The following SH3RF1 variants were observed in gnomAD, a reference collection of about 807,000 sequenced individuals.
SH3RF1 encodes the protein SH3 domain containing ring finger 1, also known as E3 ubiquitin-protein ligase SH3RF1.
A neutral mutation model predicts 74.0 loss-of-function variants in SH3RF1; 32 were observed. The ratio of observed to expected loss-of-function variants is 0.43; its 90% CI spans 0.33 to 0.58. The LOEUF (loss-of-function observed/expected upper bound fraction) is 0.58. Ranked by LOEUF, SH3RF1 falls within the 20% of genes least tolerant of loss-of-function variation. The pLI is 0.05. For missense variants in SH3RF1, 954 were observed against 1,130.9 expected (o/e 0.84, Z 2.24); for synonymous variants, 396 against 439.6 (o/e 0.90, Z 1.24).
At chr4:169,220,679 T>G (rs1302362878) in intron 2 of SH3RF1, among the ~76,000 whole-genome samples, 1 of 152,206 alleles carries the variant, frequency 6.6e-6, no homozygotes, top group East Asian at 1.9e-4. Flanking sequence ...TGGATTCCTC[T>G]GTCAAACAAC....
chr4:169,139,880 A>G (rs1322226995), intron 4 of SH3RF1, among the ~76,000 whole-genome samples: 1 of 152,220 alleles, frequency 6.6e-6, no homozygotes, highest in Non-Finnish European at 1.5e-5. Context: ...AGTTGGAGCC[A>G]ATGATTTTTA....
Position 169,120,903 on chromosome 4 carries a change from CA to C in SH3RF1, c.1432del (p.Cys478AlafsTer16). ...KGEMFLVFERCQDGWFKGTSM... is the reference protein window; with the variant it reads ...KGEMFLVFERXQDGWFKGTSM... ...TGTCCCTTTGAACCAGCCATCCTGG[CA>C]GCGCTCAAACACTAAAAACATCTCC... On this transcript the variant is annotated frameshift_variant, in exon 8 of 12. Transcript: ENST00000284637. LOFTEE classifies it high-confidence loss of function. 1 of 1,614,192 alleles carries C rather than the reference CA, an allele frequency of 6.2e-7. No homozygotes were observed. Among genetic ancestry groups the C allele is most frequent in the Non-Finnish European group, 8.5e-7 (1 of 1,180,028 alleles).
At position 169,136,343 on chromosome 4, in the gene SH3RF1, C is replaced by T. The variant is rs746621091; in HGVS notation, c.1043G>A (p.Gly348Glu). 3.9e-5 allele frequency: 59 copies of T among 1,505,032 alleles called. No individual in the cohort carries two copies. The highest frequency in any genetic ancestry group is 5.0e-5 in the Non-Finnish European group (56 of 1,126,878). 93.2% of individuals were successfully genotyped at this position (1,505,032 alleles called of 1,614,324 possible). A position where few individuals can be genotyped will look rare whatever the true frequency, so the allele number is the denominator to read the frequency against. The change falls in exon 5 of 12, where the codon GGG (glycine) becomes GAG (glutamate). Residue 348 changes from glycine to glutamate, a missense_variant. Gly to Glu is a moderately conservative substitution (Grantham distance 98). Coordinates refer to ENST00000284637, the MANE Select transcript of SH3RF1 (RefSeq NM_020870.4). ...CTGAGAAGGGGCACTGCAGGAGAGCCCAGACAGCTCGCTGATCCGTGCAGC... is the reference window on the plus strand; with the variant it reads ...CTGAGAAGGGGCACTGCAGGAGAGCTCAGACAGCTCGCTGATCCGTGCAGC... Reference protein sequence around the residue: ...TAAARISELSGLSCSAPSQVH... With the variant: ...TAAARISELSELSCSAPSQVH...
intron 2 of SH3RF1, among the ~76,000 whole-genome samples, chr4:169,204,958 C>G (rs1339089421): frequency 6.6e-6 from 1 of 152,020 alleles, no homozygotes; most frequent in Non-Finnish European, 1.5e-5. Context: ...AAAGGCTTCA[C>G]GAGAGGACTG....
chr4:169,202,252 T>TA (rs1734922114), intron 2 of SH3RF1, among the ~76,000 whole-genome samples: 1 of 152,196 alleles, frequency 6.6e-6, no homozygotes, highest in Admixed American at 6.5e-5. Flanking sequence ...GGCCCTAACA[T>TA]AAACTGTTTC....
chr4:169,157,048 T>G (rs1224666169), intron 2 of SH3RF1, among the ~76,000 whole-genome samples: 1 of 152,240 alleles, frequency 6.6e-6, no homozygotes, highest in Non-Finnish European at 1.5e-5. Context: ...TTAACTACTT[T>G]ATTCATCAGG....
In SH3RF1 at chr4:169,113,399, C is replaced by A. The variant is rs148999671; in HGVS notation, c.2139+2870G>T. 8.5e-5 allele frequency among the ~76,000 whole-genome samples: 13 copies of A among 152,280 alleles called. No individual in the cohort carries two copies. In the East Asian group the frequency reaches 2.3e-3, roughly 27 times the overall value. On this transcript the variant is annotated intron_variant, in intron 10 of 11. Transcript: ENST00000284637. Reference sequence around the variant, plus strand: ...TGCTGGGATTACAGGTGTAAGCCACCGCGCCCGGCCCCAATTTTCAAACAC... The same window carrying A: ...TGCTGGGATTACAGGTGTAAGCCACAGCGCCCGGCCCCAATTTTCAAACAC...
chr4:169,110,129 C>G (rs529195564), intron 10 of SH3RF1, among the ~76,000 whole-genome samples: 2 of 151,898 alleles, frequency 1.3e-5, no homozygotes, highest in Admixed American at 1.3e-4. Flanking sequence ...AATCCCAGCA[C>G]TTTGGGAGGC....
chr4:169,158,294 T>A (rs953614945), intron 2 of SH3RF1, among the ~76,000 whole-genome samples: 3 of 152,074 alleles, frequency 2.0e-5, no homozygotes, highest in Admixed American at 6.5e-5. Context: ...TTGTCAAGGT[T>A]GGAGTGAATG....
intron 2 of SH3RF1, among the ~76,000 whole-genome samples, chr4:169,177,518 T>C (rs1734441070): frequency 6.6e-6 from 1 of 152,212 alleles, no homozygotes; most frequent in African/African-American, 2.4e-5. Context: ...AATAAATTTG[T>C]AAATGCAATA....
At chr4:169,244,171 A>G (rs763479706) in intron 2 of SH3RF1, among the ~76,000 whole-genome samples, 1 of 152,194 alleles carries the variant, frequency 6.6e-6, no homozygotes, top group Non-Finnish European at 1.5e-5. Context: ...ATTTATTTCA[A>G]TCTGTCTTGC....
At chr4:169,213,728 A>T (rs1218646097) in intron 2 of SH3RF1, among the ~76,000 whole-genome samples, 1 of 152,230 alleles carries the variant, frequency 6.6e-6, no homozygotes, top group Non-Finnish European at 1.5e-5. Flanking sequence ...CATTGTTTGC[A>T]TTTGAATGTC....
chr4:169,116,243 G>A (rs1213989186), intron 10 of SH3RF1, 26 bp downstream of exon 10: 3 of 1,561,378 alleles, frequency 1.9e-6, no homozygotes, highest in Non-Finnish European at 2.6e-6. Flanking sequence ...GTAAAGCAGA[G>A]AAACAGTAAG....
intron 2 of SH3RF1, among the ~76,000 whole-genome samples, chr4:169,196,523 T>C (rs534892128): frequency 1.3e-5 from 2 of 152,356 alleles, no homozygotes; most frequent in South Asian, 4.1e-4. Flanking sequence ...TATTAACATA[T>C]TCTTCCAGGG....
chr4:169,203,950 A>G (rs1579135752), intron 2 of SH3RF1: 1 of 152,232 alleles, frequency 6.6e-6, no homozygotes, highest in African/African-American at 2.4e-5. Context: ...ACAAAACGGG[A>G]ATAAACTTTT....
At chr4:169,119,860 G>A (rs1338071225) in intron 8 of SH3RF1, among the ~76,000 whole-genome samples, 3 of 152,086 alleles carry the variant, frequency 2.0e-5, no homozygotes, top group South Asian at 2.1e-4. Flanking sequence ...TTAAACGGCC[G>A]GTGGTCAAAA....
intron 2 of SH3RF1, among the ~76,000 whole-genome samples, chr4:169,211,640 C>T (rs140460248): frequency 2.7e-4 from 41 of 152,204 alleles, no homozygotes; most frequent in Middle Eastern, 3.4e-3. Flanking sequence ...CAAATGAAGG[C>T]CTGCGTGCTT....
rs777135608 is a variant in SH3RF1, at chr4:169,156,464, T to C, written c.609A>G (p.Ala203=). The C allele has an allele frequency of 1.2e-5, 19 of 1,611,118 alleles. No homozygotes were observed. The highest frequency in any genetic ancestry group is 1.6e-5 in the Non-Finnish European group (19 of 1,177,746). ...TGTCTTTCACTTCAAAGTCATAAAG[T>C]GCTTTGCACTGAGGTGGGGGCTGAG... ...PLPQPPPQCK[A]LYDFEVKDKE... is the part of the protein sequence containing the mutation. The change falls in exon 3 of 12, where the codon GCA becomes GCG. Residue 203 remains alanine, a synonymous_variant. Coordinates refer to ENST00000284637, the MANE Select transcript of SH3RF1 (RefSeq NM_020870.4).
chr4:169,247,292 A>G (rs1263605770), intron 2 of SH3RF1, among the ~76,000 whole-genome samples: 1 of 152,232 alleles, frequency 6.6e-6, no homozygotes, highest in Non-Finnish European at 1.5e-5. Context: ...GGAGAGGCAG[A>G]CACACTCGCT....
Sources: allele counts gnomAD v4.1 joint callset (sites outside exome capture counted in the v4.1 genomes callset), GRCh38; gene constraint gnomAD v4.1.1; transcripts MANE v1.5; gene names NCBI Gene and HGNC (gene_info 2026-07-23, HGNC 2026-07-21).